The following MECR variants were observed in gnomAD, a reference collection of about 807,000 sequenced individuals.
MECR encodes enoyl-[acyl-carrier-protein] reductase, mitochondrial.
MECR carries 37 observed loss-of-function variants against 49.1 expected under a neutral mutation model. The ratio of observed to expected loss-of-function variants is 0.75; its 90% CI spans 0.58 to 0.99. MECR has a LOEUF of 0.99. MECR is among the 50% of genes least tolerant of loss of function. The probability of loss-of-function intolerance (pLI) is 0.00; values close to 1 mark genes in which losing one functional copy is unlikely to be tolerated. For synonymous variants in MECR, 198 were observed against 191.1 expected (o/e 1.04, Z -0.30); for missense variants, 470 against 479.6 (o/e 0.98, Z 0.19).
chr1:29,172,872 G>A, the MECR span: 1 of 152,020 alleles, frequency 6.6e-6, no homozygotes, highest in Non-Finnish European at 1.5e-5. Context: ...CCAAAAAAAA[G>A]GTAGACAATA....
rs567629450 is a variant in MECR at position 29,230,814 on chromosome 1, G to A, written c.93C>T (p.Ala31=). 74 of 1,608,570 alleles carry A rather than the reference G, an allele frequency of 4.6e-5. No individual in the cohort carries two copies. In the African/African-American group the frequency reaches 8.1e-4, roughly 18 times the overall value. ...LPASGCHGPA[A]SSYSASAEPA... ...GCTCGGCGGATGCGGAGTAGGAGGA[G>A]GCGGCAGGTCCGTGACAGCCAGAAG... Residue 31 remains alanine (A), a synonymous_variant, in exon 1 of 10, where the codon GCC becomes GCT. Transcript: ENST00000263702.
the MECR span, among the ~76,000 whole-genome samples, chr1:29,178,718 C>T: frequency 3.3e-5 from 5 of 152,178 alleles, no homozygotes; most frequent in Non-Finnish European, 7.3e-5. Flanking sequence ...AGATCCACTG[C>T]CCTTCTGCTA....
intron 7 of MECR, among the ~76,000 whole-genome samples, chr1:29,199,323 G>A (rs1416389576): frequency 6.6e-6 from 1 of 152,070 alleles, no homozygotes; most frequent in Non-Finnish European, 1.5e-5. Flanking sequence ...TGCCTCCGGG[G>A]TTCACGCCAT....
At chr1:29,174,051 T>G in the MECR span, among the ~76,000 whole-genome samples, 1 of 151,356 alleles carries the variant, frequency 6.6e-6, no homozygotes, top group African/African-American at 2.4e-5. Context: ...TAGCGGGGTG[T>G]GGTGGCAGGC....
At chr1:29,174,762 T>C in the MECR span, among the ~76,000 whole-genome samples, 3 of 148,630 alleles carry the variant, frequency 2.0e-5, no homozygotes, top group Non-Finnish European at 4.5e-5. Flanking sequence ...CAACCTCCAC[T>C]TCCTGGGTTC....
the MECR span, among the ~76,000 whole-genome samples, chr1:29,187,539 C>T: frequency 6.6e-6 from 1 of 151,990 alleles, no homozygotes; most frequent in East Asian, 1.9e-4. Flanking sequence ...CGGCCTCAGT[C>T]TTCCCCTGAG....
chr1:29,187,822 G>A (rs1673059235), downstream of MECR, among the ~76,000 whole-genome samples: 1 of 150,516 alleles, frequency 6.6e-6, no homozygotes, highest in Admixed American at 6.6e-5. Context: ...GGATCATGAG[G>A]TCAGGAGATC....
In MECR at chr1:29,194,120, C is replaced by A; in HGVS notation, c.1024G>T (p.Ala342Ser). ...AGCGGGACCTGGGAGCAGGCAGGGG[C>A]TGTGAGCTGGCCTCGGCGGATGAGA... Reference protein sequence around the residue: ...CDLIRRGQLTAPACSQVPLQD... With the variant: ...CDLIRRGQLTSPACSQVPLQD... Residue 342 changes from alanine (A) to serine (S), a missense_variant, in exon 10 of 10, where the codon GCC (alanine) becomes TCC (serine). By Grantham distance (99) the Ala-to-Ser change is moderately conservative. Coordinates refer to ENST00000263702, the MANE Select transcript of MECR (RefSeq NM_016011.5). 1 of 1,614,114 alleles carries A rather than the reference C, an allele frequency of 6.2e-7. No homozygotes were observed. Among genetic ancestry groups the A allele is most frequent in the Non-Finnish European group, 8.5e-7 (1 of 1,179,994 alleles).
At chr1:29,169,095 T>A in the MECR span, 2 of 152,278 alleles carry the variant, frequency 1.3e-5, no homozygotes, top group East Asian at 3.8e-4. Context: ...CTCCTATTTT[T>A]GAAAGTTTTA....
Position 29,195,983 on chromosome 1 carries a change from G to T in MECR, c.922C>A (p.Arg308=). Residue 308 remains arginine (R), a synonymous_variant, in exon 9 of 10, where the codon CGA becomes AGA. Coordinates refer to ENST00000263702, the MANE Select transcript of MECR (RefSeq NM_016011.5). ...TTCCACTGGGACAACCAAAAGCCTC[G>T]AAGTTTGAGATCCTTAAAAATGAGC... ...SLLIFKDLKL[R]GFWLSQWKKD... is the part of the protein sequence containing the mutation. 6.2e-7 allele frequency: 1 copy of T among 1,614,180 alleles called. No homozygotes were observed. The highest frequency in any genetic ancestry group is 8.5e-7 in the Non-Finnish European group (1 of 1,180,026).
the MECR span, among the ~76,000 whole-genome samples, chr1:29,185,890 G>A: frequency 6.6e-6 from 1 of 152,084 alleles, no homozygotes; most frequent in Non-Finnish European, 1.5e-5. Context: ...AGGCTGAGAT[G>A]GGGGGGATCT....
intron 1 of MECR, among the ~76,000 whole-genome samples, chr1:29,219,780 T>C (rs769992488): frequency 1.3e-5 from 2 of 152,164 alleles, no homozygotes; most frequent in Non-Finnish European, 2.9e-5. Flanking sequence ...TCAGGCTAAG[T>C]GGGATGAATA....
intron 1 of MECR, 42 bp downstream of exon 1, chr1:29,230,689 G>A: frequency 6.5e-7 from 1 of 1,546,596 alleles, no homozygotes; most frequent in Non-Finnish European, 8.7e-7. Flanking sequence ...AAGCCTTCCA[G>A]AAACCCCAGT....
At chr1:29,230,294 A>AATT (rs1245789377) in intron 1 of MECR, 6 of 173,846 alleles carry the variant, frequency 3.5e-5, no homozygotes, top group African/African-American at 1.2e-4. Flanking sequence ...TAATAATAAT[A>AATT]ATAGTAAGAA....
the MECR span, among the ~76,000 whole-genome samples, chr1:29,178,413 G>C: frequency 5.6e-5 from 8 of 142,862 alleles, no homozygotes; most frequent in African/African-American, 1.8e-4. Context: ...GCACGATCTC[G>C]GCTCACTGCA....
the MECR span, chr1:29,172,979 A>T: frequency 1.3e-5 from 2 of 152,168 alleles, no homozygotes; most frequent in Non-Finnish European, 2.9e-5. Flanking sequence ...AATACATGAG[A>T]TAAATTAAGT....
chr1:29,211,316 G>A (rs996813313), intron 3 of MECR, among the ~76,000 whole-genome samples: 3 of 152,164 alleles, frequency 2.0e-5, no homozygotes, highest in Admixed American at 6.5e-5. Context: ...CGATCTGCCC[G>A]CCTTGGCCTC....
At chr1:29,216,225 C>A in intron 2 of MECR, 89 bp from the exon 3 acceptor site, 2 of 1,512,314 alleles carry the variant, frequency 1.3e-6, no homozygotes, top group Non-Finnish European at 1.8e-6. Flanking sequence ...TAGGCCTGAT[C>A]TGGGCTCTGC....
chr1:29,223,809 C>T (rs997264740), intron 1 of MECR: 2 of 152,090 alleles, frequency 1.3e-5, no homozygotes, highest in Non-Finnish European at 2.9e-5. Context: ...GAATGAAGTT[C>T]CTCAGCTCGC....
Sources: gnomAD v4.1 joint callset for allele counts (sites outside exome capture counted in the v4.1 genomes callset) on GRCh38, gnomAD v4.1.1 for gene constraint, MANE v1.5 for transcripts, NCBI Gene and HGNC (gene_info 2026-07-23, HGNC 2026-07-21) for gene names.